The following ANAPC10 variants were observed in gnomAD, a reference collection of about 807,000 sequenced individuals.
The protein encoded by ANAPC10 is anaphase promoting complex subunit 10.
A neutral mutation model predicts 22.0 loss-of-function variants in ANAPC10; 12 were observed. The observed-to-expected ratio is 0.55, with a 90% CI of 0.35 to 0.88. The LOEUF is 0.88. Ranked by LOEUF, ANAPC10 falls within the 40% of genes least tolerant of loss-of-function variation. ANAPC10 has a pLI of 0.01. For missense variants in ANAPC10, 188 were observed against 220.9 expected (o/e 0.85, Z 0.94); for synonymous variants, 65 against 69.5 (o/e 0.94, Z 0.32).
chr4:145,080,078 C>T lies in ANAPC10; in HGVS notation c.206+1582G>A, dbSNP rs1026561310. Reference sequence around the variant, plus strand: ...GCAGTGAACAGAGATCACGCCACTGCGCTCCAGCCTGGGCAACAGAGAGAG... The same window carrying T: ...GCAGTGAACAGAGATCACGCCACTGTGCTCCAGCCTGGGCAACAGAGAGAG... On this transcript the variant is annotated intron_variant, in intron 3 of 4. Transcript: ENST00000507656. 1.1e-3 allele frequency among the ~76,000 whole-genome samples: 155 copies of T among 139,638 alleles called. 1 individual carries two copies. Among genetic ancestry groups the T allele is most frequent in the Non-Finnish European group, 4.3e-4 (28 of 65,618 alleles). The allele number at this position is 139,638 out of a possible 152,430, so 91.6% of individuals were successfully genotyped here. A position where few individuals can be genotyped will look rare whatever the true frequency, so the allele number is the denominator to read the frequency against.
intron 2 of ANAPC10, among the ~76,000 whole-genome samples, chr4:145,083,997 G>T (rs1462472541): frequency 6.7e-6 from 1 of 150,288 alleles, no homozygotes; most frequent in Non-Finnish European, 1.5e-5. Flanking sequence ...TTGAGACAGG[G>T]TCTTGCTCTG....
chr4:145,017,151 C>T (rs535589565), intron 4 of ANAPC10, among the ~76,000 whole-genome samples: 35 of 152,196 alleles, frequency 2.3e-4, no homozygotes, highest in African/African-American at 8.4e-4. Flanking sequence ...AGCTTCTGCA[C>T]AGCAAAAGAA....
At chr4:145,056,516 T>C (rs1321648514) in intron 4 of ANAPC10, among the ~76,000 whole-genome samples, 1 of 152,180 alleles carries the variant, frequency 6.6e-6, no homozygotes, top group East Asian at 1.9e-4. Flanking sequence ...GGATTTGCCC[T>C]GAATTCCCTC....
At chr4:145,072,199 T>C (rs1744585787) in intron 3 of ANAPC10, among the ~76,000 whole-genome samples, 1 of 152,178 alleles carries the variant, frequency 6.6e-6, no homozygotes, top group Non-Finnish European at 1.5e-5. Flanking sequence ...AACATAAAAC[T>C]GGGTAGGTTA....
chr4:145,070,114 T>C (rs1744277359), intron 3 of ANAPC10, among the ~76,000 whole-genome samples: 1 of 152,204 alleles, frequency 6.6e-6, no homozygotes, highest in Non-Finnish European at 1.5e-5. Context: ...GTACTGAGAC[T>C]AAAAAGTTTA....
chr4:145,060,116 T>C (rs780140941), intron 4 of ANAPC10, among the ~76,000 whole-genome samples: 48 of 152,178 alleles, frequency 3.2e-4, no homozygotes, highest in Admixed American at 2.2e-3. Context: ...AAGCAATAAA[T>C]TGCAAACATC....
intron 4 of ANAPC10, among the ~76,000 whole-genome samples, chr4:144,998,332 T>C (rs1403196467): frequency 1.3e-5 from 2 of 152,146 alleles, no homozygotes; most frequent in African/African-American, 4.8e-5. Context: ...TAGTTGGAAG[T>C]AAAGCACTCC....
intron 2 of ANAPC10, among the ~76,000 whole-genome samples, chr4:145,088,772 TAAC>T (rs981204142): frequency 3.9e-5 from 6 of 152,212 alleles, no homozygotes; most frequent in Non-Finnish European, 5.9e-5. Flanking sequence ...CTCTCCTGCT[TAAC>T]ACCTCCAGTG....
intron 2 of ANAPC10, among the ~76,000 whole-genome samples, 179 bp from the exon 3 acceptor site, chr4:145,081,929 C>T (rs916551953): frequency 5.9e-5 from 9 of 152,200 alleles, no homozygotes; most frequent in African/African-American, 2.2e-4. Context: ...AGGCTGGCCT[C>T]GAACTCCCAG....
intron 4 of ANAPC10, among the ~76,000 whole-genome samples, chr4:144,999,493 A>G (rs1371175245): frequency 6.6e-6 from 1 of 152,124 alleles, no homozygotes; most frequent in Non-Finnish European, 1.5e-5. Flanking sequence ...TGTGAAGGAG[A>G]ACTACACAAC....
chr4:145,042,731 T>C (rs957615112), intron 4 of ANAPC10, among the ~76,000 whole-genome samples: 5 of 147,820 alleles, frequency 3.4e-5, no homozygotes, highest in African/African-American at 9.9e-5. Flanking sequence ...GAACTTTCAG[T>C]AAAAAAAAAA....
chr4:145,079,883 G>GCCT (rs924758957), intron 3 of ANAPC10, among the ~76,000 whole-genome samples: 28 of 152,236 alleles, frequency 1.8e-4, no homozygotes, highest in Admixed American at 1.4e-3. Context: ...GGAGGCCGAG[G>GCCT]CGGCTAGATC....
chr4:145,088,408 T>C (rs532345624), intron 2 of ANAPC10, among the ~76,000 whole-genome samples: 1 of 152,282 alleles, frequency 6.6e-6, no homozygotes, highest in Non-Finnish European at 1.5e-5. Context: ...AAATAGGCAT[T>C]GCAAAATTAA....
At position 145,067,416 on chromosome 4, in the gene ANAPC10, T is replaced by C. The variant is rs1217038158; in HGVS notation, c.207-2724A>G. 2.0e-5 allele frequency among the ~76,000 whole-genome samples: 3 copies of C among 152,026 alleles called. No individual in the cohort carries two copies. The East Asian group carries it at 5.8e-4, about 29-fold the overall frequency. ...CTATTTCTGATGACATAAGTAACAC[T>C]CCTGGACACTCTCTATCCCCTCACT... On this transcript the variant is annotated intron_variant, in intron 3 of 4. Transcript: ENST00000507656.
intron 4 of ANAPC10, among the ~76,000 whole-genome samples, chr4:145,031,152 G>T (rs1737516414): frequency 6.6e-6 from 1 of 152,168 alleles, no homozygotes; most frequent in African/African-American, 2.4e-5. Context: ...TACCTCACGG[G>T]TATATCAACT....
chr4:145,086,398 C>T (rs143883015), intron 2 of ANAPC10, among the ~76,000 whole-genome samples: 4,013 of 152,226 alleles, frequency 0.026, 81 homozygotes, highest in Middle Eastern at 0.051. Flanking sequence ...ACTGGTTCTC[C>T]AATGCAGTTA....
At chr4:145,015,158 G>C (rs1346890485) in intron 4 of ANAPC10, among the ~76,000 whole-genome samples, 1 of 151,978 alleles carries the variant, frequency 6.6e-6, no homozygotes, top group Non-Finnish European at 1.5e-5. Context: ...ACCAGAGAAA[G>C]GCAAAGCCCA....
intron 4 of ANAPC10, among the ~76,000 whole-genome samples, chr4:144,999,031 T>C (rs1446425679): frequency 6.6e-6 from 1 of 151,952 alleles, no homozygotes; most frequent in African/African-American, 2.4e-5. Flanking sequence ...ATGGATAAAT[T>C]CCTGGACAAA....
intron 4 of ANAPC10, among the ~76,000 whole-genome samples, chr4:145,025,087 TTCCTC>T (rs1736470429): frequency 6.6e-6 from 1 of 152,208 alleles, no homozygotes; most frequent in African/African-American, 2.4e-5. Flanking sequence ...CTTCTGCAGC[TTCCTC>T]ACCTCTTAGC....
Sources: gnomAD v4.1 joint callset for allele counts (sites outside exome capture counted in the v4.1 genomes callset) on GRCh38, gnomAD v4.1.1 for gene constraint, MANE v1.5 for transcripts, NCBI Gene and HGNC (gene_info 2026-07-23, HGNC 2026-07-21) for gene names.